CDK5RAP2: variants seen among roughly 807,000 people sequenced by gnomAD.
The protein encoded by CDK5RAP2 is CDK5 regulatory subunit-associated protein 2.
Under a neutral mutation model 232.9 loss-of-function variants are expected in CDK5RAP2, and 147 were observed. The observed-to-expected ratio is 0.63, with a 90% CI of 0.55 to 0.72. The LOEUF (loss-of-function observed/expected upper bound fraction) is 0.72, where lower values mean the gene tolerates loss of function less well. CDK5RAP2 is among the 30% of genes least tolerant of loss of function. CDK5RAP2 has a pLI of 0.00. For synonymous variants in CDK5RAP2, 833 were observed against 833.7 expected (o/e 1.00, Z 0.01); for missense variants, 2,195 against 2,231.5 (o/e 0.98, Z 0.33).
chr9:120,499,554 A>G (rs188579357), intron 12 of CDK5RAP2, among the ~76,000 whole-genome samples: 2 of 152,310 alleles, frequency 1.3e-5, no homozygotes, highest in Admixed American at 1.3e-4. Flanking sequence ...AATGCTTTAA[A>G]AATTGTTAAT....
chr9:120,509,175 G>T (rs945513784), intron 12 of CDK5RAP2, among the ~76,000 whole-genome samples: 18 of 152,204 alleles, frequency 1.2e-4, no homozygotes, highest in Non-Finnish European at 2.9e-5. Context: ...GAACAGACAA[G>T]CACTTTCTTC....
At chr9:120,527,606 C>T (rs760312104) in intron 10 of CDK5RAP2, among the ~76,000 whole-genome samples, 200 bp downstream of exon 10, 1 of 152,022 alleles carries the variant, frequency 6.6e-6, no homozygotes, top group Non-Finnish European at 1.5e-5. Flanking sequence ...ACATAGGTAA[C>T]CCATATGATA....
At chr9:120,394,380 G>T in intron 36 of CDK5RAP2, 132 bp downstream of exon 36, 2 of 1,422,770 alleles carry the variant, frequency 1.4e-6, no homozygotes, top group Non-Finnish European at 1.9e-6. Flanking sequence ...GATGGAGTAT[G>T]AAAAGAAGCC....
intron 11 of CDK5RAP2, among the ~76,000 whole-genome samples, chr9:120,522,954 C>A (rs2040736163): frequency 6.6e-6 from 1 of 152,234 alleles, no homozygotes; most frequent in African/African-American, 2.4e-5. Flanking sequence ...TTTACTCACA[C>A]ACAATCAGAG....
In CDK5RAP2 at chr9:120,389,246, G is replaced by C. The variant is rs950050426; in HGVS notation, c.5672C>G (p.Pro1891Arg). ...GGCTGAAAGTTCTTCTCAGGAGCCT[G>C]GTCTGCTGGGACTGCATGTTCCTGG... ...AHPGTCSPSR[P>R]GS Residue 1891 changes from proline to arginine, a missense_variant, in exon 38 of 38, where the codon CCA (proline) becomes CGA (arginine). Pro to Arg is a moderately radical substitution (Grantham distance 103, BLOSUM62 -2). Transcript: ENST00000349780. 6.8e-6 allele frequency: 11 copies of C among 1,612,540 alleles called. No individual in the cohort carries two copies. Among genetic ancestry groups the C allele is most frequent in the African/African-American group, 2.7e-5 (2 of 74,888 alleles).
chr9:120,389,597 C>T (rs1197053029), intron 37 of CDK5RAP2, 144 bp downstream of exon 37: 1 of 779,688 alleles, frequency 1.3e-6, no homozygotes, highest in Non-Finnish European at 2.2e-6. Context: ...CACAACTTTT[C>T]ATGCACTGCT....
intron 30 of CDK5RAP2, 55 bp from the exon 31 acceptor site, chr9:120,408,523 T>C (rs200590405): frequency 6.2e-7 from 1 of 1,607,542 alleles, no homozygotes; most frequent in Non-Finnish European, 8.5e-7. Flanking sequence ...TCAGGGTAAC[T>C]TATTCAAACC....
chr9:120,570,449 T>A (rs184186653), intron 2 of CDK5RAP2, among the ~76,000 whole-genome samples: 1 of 152,350 alleles, frequency 6.6e-6, no homozygotes, highest in East Asian at 1.9e-4. Flanking sequence ...TAAGGGTTTG[T>A]CTGTCTTCTC....
At chr9:120,453,435 T>G in intron 21 of CDK5RAP2, 21 bp downstream of exon 21, 2 of 1,594,896 alleles carry the variant, frequency 1.3e-6, no homozygotes, top group Non-Finnish European at 1.7e-6. Context: ...AAGTACATAA[T>G]TATTACATGG....
chr9:120,413,253 G>A (rs554553420), intron 28 of CDK5RAP2, among the ~76,000 whole-genome samples: 7 of 152,328 alleles, frequency 4.6e-5, no homozygotes, highest in South Asian at 4.1e-4. Context: ...ATCCACTTCC[G>A]ATGCTAGGAG....
intron 7 of CDK5RAP2, among the ~76,000 whole-genome samples, chr9:120,534,256 G>A (rs762006864): frequency 6.6e-6 from 1 of 152,082 alleles, no homozygotes; most frequent in Non-Finnish European, 1.5e-5. Context: ...GCACCCTCCT[G>A]TACCTGCATC....
intron 36 of CDK5RAP2, 143 bp downstream of exon 36, chr9:120,394,369 G>A: frequency 7.6e-7 from 1 of 1,320,020 alleles, no homozygotes. Flanking sequence ...GAGTCAGAAA[G>A]GATGGAGTAT....
At chr9:120,524,358 C>T (rs1015539022) in intron 11 of CDK5RAP2, among the ~76,000 whole-genome samples, 2 of 152,174 alleles carry the variant, frequency 1.3e-5, no homozygotes, top group Non-Finnish European at 1.5e-5. Flanking sequence ...CTCACAAATA[C>T]GGCCGGGCGC....
At chr9:120,464,811 C>T (rs536139898) in intron 18 of CDK5RAP2, among the ~76,000 whole-genome samples, 1 of 152,210 alleles carries the variant, frequency 6.6e-6, no homozygotes, top group South Asian at 2.1e-4. Context: ...ATACCATATG[C>T]CAGAACTATG....
chr9:120,455,897 G>C lies in CDK5RAP2; in HGVS notation c.2376-2024C>G, dbSNP rs571154586. ...AAAATAGTGTAAGGTACACTATAGG[G>C]CTCAAAATCAAGATAAAAGTATCCA... is the stretch of plus-strand genomic sequence containing the variant. On this transcript the variant is annotated intron_variant, in intron 20 of 37. Transcript: ENST00000349780. Among the ~76,000 whole-genome samples the C allele has an allele frequency of 6.6e-5, 10 of 152,208 alleles. No homozygotes were observed. The East Asian group carries it at 1.2e-3, about 18-fold the overall frequency.
chr9:120,518,759 CAT>C, intron 11 of CDK5RAP2, 114 bp from the exon 12 acceptor site: 3 of 777,020 alleles, frequency 3.9e-6, no homozygotes, highest in Non-Finnish European at 6.5e-6. Context: ...AAAAGATTAA[CAT>C]AGACAACATT....
intron 18 of CDK5RAP2, among the ~76,000 whole-genome samples, chr9:120,463,386 A>G (rs971462416): frequency 2.0e-5 from 3 of 152,012 alleles, no homozygotes; most frequent in African/African-American, 7.2e-5. Flanking sequence ...ACAAAACAAC[A>G]ACAACAACGA....
At chr9:120,477,935 G>C (rs1004699491) in intron 14 of CDK5RAP2, among the ~76,000 whole-genome samples, 2 of 152,208 alleles carry the variant, frequency 1.3e-5, no homozygotes, top group Non-Finnish European at 2.9e-5. Context: ...ACACAGTGAT[G>C]ATGAAGAAAT....
At chr9:120,428,105 G>C (rs377414953) in intron 25 of CDK5RAP2, among the ~76,000 whole-genome samples, 3 of 152,114 alleles carry the variant, frequency 2.0e-5, no homozygotes, top group East Asian at 3.9e-4. Context: ...ACATTCAAAG[G>C]AGTGTGTAGA....
Sources: allele counts gnomAD v4.1 joint callset (sites outside exome capture counted in the v4.1 genomes callset), GRCh38; gene constraint gnomAD v4.1.1; transcripts MANE v1.5; gene names NCBI Gene and HGNC (gene_info 2026-07-23, HGNC 2026-07-21).